WWOX: variants seen among roughly 807,000 people sequenced by gnomAD.
The protein encoded by WWOX is WW domain-containing oxidoreductase.
Under a neutral mutation model 46.2 loss-of-function variants are expected in WWOX, and 69 were observed. The ratio of observed to expected loss-of-function variants is 1.49; its 90% CI spans 1.23 to 1.82. The LOEUF (loss-of-function observed/expected upper bound fraction) is 1.82, where lower values mean the gene tolerates loss of function less well. Among genes scored for constraint, WWOX ranks in the 40% most tolerant of loss-of-function variants. The probability of loss-of-function intolerance (pLI) is 0.00; values close to 1 mark genes in which losing one functional copy is unlikely to be tolerated. For synonymous variants in WWOX, 359 were observed against 202.6 expected, an observed-to-expected ratio of 1.77 and a Z score of -6.56; for missense variants, 919 against 542.6, an observed-to-expected ratio of 1.69 and a Z score of -6.89.
chr16:78,692,624 A>G (rs150797580), intron 8 of WWOX, among the ~76,000 whole-genome samples: 120 of 152,332 alleles, frequency 7.9e-4, no homozygotes, highest in African/African-American at 2.7e-3. Flanking sequence ...CCATGTTTAT[A>G]AAACTTAACA....
intron 5 of WWOX, chr16:78,270,660 C>G (rs995870945): frequency 3.3e-5 from 5 of 152,178 alleles, no homozygotes; most frequent in Admixed American, 3.3e-4. Flanking sequence ...AACTTGGTAG[C>G]TAACTCATTA....
At chr16:78,564,079 C>A (rs148551294) in intron 8 of WWOX, among the ~76,000 whole-genome samples, 4 of 152,200 alleles carry the variant, frequency 2.6e-5, no homozygotes, top group African/African-American at 9.7e-5. Flanking sequence ...CCATATTGCC[C>A]CAGCCAAGAG....
intron 8 of WWOX, among the ~76,000 whole-genome samples, chr16:78,641,700 A>T (rs1466110586): frequency 1.3e-5 from 2 of 152,146 alleles, no homozygotes; most frequent in African/African-American, 4.8e-5. Flanking sequence ...GGGAATGCCT[A>T]GGTTTATGTA....
chr16:78,884,902 A>T (rs1391824567), intron 8 of WWOX, among the ~76,000 whole-genome samples: 1 of 152,228 alleles, frequency 6.6e-6, no homozygotes, highest in Admixed American at 6.5e-5. Context: ...AGCACAATCA[A>T]TGCATTCCAT....
At chr16:78,196,884 C>G (rs529668397) in intron 5 of WWOX, among the ~76,000 whole-genome samples, 2 of 152,272 alleles carry the variant, frequency 1.3e-5, no homozygotes, top group Admixed American at 6.5e-5. Context: ...TTTTATCATC[C>G]CCACTGACTA....
At chr16:78,462,262 C>G (rs58851480) in intron 8 of WWOX, among the ~76,000 whole-genome samples, 5,176 of 149,472 alleles carry the variant, frequency 0.035, 301 homozygotes, top group African/African-American at 0.12. Context: ...TTTCTTGTTT[C>G]CTCTGGAAGC....
In WWOX at chr16:78,923,305, C is replaced by T. The variant is rs1473882710; in HGVS notation, c.1057-288303C>T. ...CATCTTTCTTTTTCTTCCTCTCCTT[C>T]TACCTTGCCCACCATGGCTTAATTT... is the stretch of plus-strand genomic sequence containing the variant. On this transcript the variant is annotated intron_variant, in intron 8 of 8. Coordinates refer to ENST00000566780, the MANE Select transcript of WWOX (RefSeq NM_016373.4). Among the ~76,000 whole-genome samples the T allele has an allele frequency of 3.3e-5, 5 of 152,044 alleles. No homozygotes were observed. In the South Asian group the frequency reaches 1.0e-3, roughly 32 times the overall value.
chr16:79,042,043 T>TCAG (rs1242680478), intron 8 of WWOX, among the ~76,000 whole-genome samples: 1 of 152,136 alleles, frequency 6.6e-6, no homozygotes, highest in Non-Finnish European at 1.5e-5. Flanking sequence ...GTTCCACAAA[T>TCAG]TTTGGAGGGA....
intron 8 of WWOX, among the ~76,000 whole-genome samples, chr16:78,647,111 C>G (rs1196397928): frequency 6.6e-6 from 1 of 152,160 alleles, no homozygotes; most frequent in African/African-American, 2.4e-5. Context: ...GTGAAACTGC[C>G]CAGTGCCCCA....
chr16:79,153,264 G>A (rs551895388), intron 8 of WWOX, among the ~76,000 whole-genome samples: 11 of 152,226 alleles, frequency 7.2e-5, no homozygotes, highest in South Asian at 6.2e-4. Context: ...AGTCCTACCT[G>A]ACTTCCTTTC....
At position 78,349,257 on chromosome 16, in the gene WWOX, G is replaced by A. The variant is rs1483891496; in HGVS notation, c.517-37603G>A. Among the ~76,000 whole-genome samples, 5 of 119,898 alleles carry A rather than the reference G, an allele frequency of 4.2e-5. 2 individuals are homozygous for A. Among genetic ancestry groups the A allele is most frequent in the African/African-American group, 1.4e-4 (5 of 35,306 alleles). The allele number at this position is 119,898 out of a possible 152,430, so 78.7% of individuals were successfully genotyped here. On this transcript the variant is annotated intron_variant, in intron 5 of 8. Transcript: ENST00000566780. ...GAAGGACACCACTCAGATTGCAATA[G>A]GACCTGCCCTGATAGCCTCATTTTT... is the stretch of plus-strand genomic sequence containing the variant.
chr16:78,712,813 C>T (rs80294779), intron 8 of WWOX, among the ~76,000 whole-genome samples: 48 of 152,146 alleles, frequency 3.2e-4, no homozygotes, highest in African/African-American at 8.2e-4. Flanking sequence ...AGAGTAATAG[C>T]GTAAATAATT....
intron 8 of WWOX, chr16:78,898,909 CTGTT>C (rs1159495039): frequency 6.6e-6 from 1 of 152,154 alleles, no homozygotes; most frequent in Admixed American, 6.5e-5. Flanking sequence ...TTTTTTCCAA[CTGTT>C]TGTTTCTAAT....
chr16:78,665,351 G>T (rs1373710580), intron 8 of WWOX, among the ~76,000 whole-genome samples: 1 of 152,152 alleles, frequency 6.6e-6, no homozygotes, highest in Admixed American at 6.5e-5. Context: ...ATTCATAACT[G>T]TGAATTTGAA....
At chr16:78,646,333 C>T (rs962226187) in intron 8 of WWOX, among the ~76,000 whole-genome samples, 1 of 152,166 alleles carries the variant, frequency 6.6e-6, no homozygotes, top group Non-Finnish European at 1.5e-5. Flanking sequence ...CATTATTCTG[C>T]CTGCCATCCT....
At chr16:78,901,768 C>T (rs2044837108) in intron 8 of WWOX, among the ~76,000 whole-genome samples, 2 of 152,210 alleles carry the variant, frequency 1.3e-5, no homozygotes, top group Admixed American at 6.5e-5. Flanking sequence ...GGATTACAGG[C>T]GTGAGCCACT....
In WWOX at chr16:78,203,121, G is replaced by A. The variant is rs544430496; in HGVS notation, c.516+38832G>A. Among the ~76,000 whole-genome samples the A allele has an allele frequency of 4.6e-5, 7 of 152,250 alleles. No homozygotes were observed. The East Asian group carries it at 1.4e-3, about 29-fold the overall frequency. ...TTTAGAAAGGGGAGGTCAAGTAAAGGCCATAAGGCTGGATGGTGGGGAAGA... is the reference window on the plus strand; with the variant it reads ...TTTAGAAAGGGGAGGTCAAGTAAAGACCATAAGGCTGGATGGTGGGGAAGA... On this transcript the variant is annotated intron_variant, in intron 5 of 8. Coordinates refer to ENST00000566780, the MANE Select transcript of WWOX (RefSeq NM_016373.4).
At chr16:78,117,961 A>G (rs1279533810) in intron 4 of WWOX, among the ~76,000 whole-genome samples, 1 of 152,104 alleles carries the variant, frequency 6.6e-6, no homozygotes, top group Non-Finnish European at 1.5e-5. Flanking sequence ...ACTCCACAAT[A>G]AAAACATAGA....
At chr16:78,148,244 T>C (rs1462543330) in intron 4 of WWOX, among the ~76,000 whole-genome samples, 3 of 152,154 alleles carry the variant, frequency 2.0e-5, no homozygotes, top group African/African-American at 4.8e-5. Flanking sequence ...GTTGTCTTAG[T>C]AGATAGGAGT....
Sources: gnomAD v4.1 joint callset for allele counts (sites outside exome capture counted in the v4.1 genomes callset) on GRCh38, gnomAD v4.1.1 for gene constraint, MANE v1.5 for transcripts, NCBI Gene and HGNC (gene_info 2026-07-23, HGNC 2026-07-21) for gene names.